The following MLLT3 variants were observed in gnomAD, a reference collection of about 807,000 sequenced individuals.
The protein encoded by MLLT3 is MLLT3 super elongation complex subunit.
MLLT3 carries 4 observed loss-of-function variants against 53.2 expected under a neutral mutation model. The observed-to-expected ratio is 0.08, with a 90% CI of 0.04 to 0.17. The LOEUF is 0.17. Ranked by LOEUF, MLLT3 falls within the 10% of genes least tolerant of loss-of-function variation. The pLI is 1.00. For missense variants in MLLT3, 569 were observed against 684.0 expected, an observed-to-expected ratio of 0.83 and a Z score of 1.87; for synonymous variants, 283 against 230.6, an observed-to-expected ratio of 1.23 and a Z score of -2.06.
intron 5 of MLLT3, among the ~76,000 whole-genome samples, chr9:20,382,111 A>C (rs1821922843): frequency 6.6e-6 from 1 of 151,838 alleles, no homozygotes; most frequent in African/African-American, 2.4e-5. Flanking sequence ...TCCTATTTTA[A>C]AACTTTTTCT....
At chr9:20,529,886 G>C (rs1349556026) in intron 2 of MLLT3, among the ~76,000 whole-genome samples, 4 of 151,764 alleles carry the variant, frequency 2.6e-5, no homozygotes, top group Admixed American at 6.6e-5. Context: ...TTATCAACCA[G>C]GCCAGTTACA....
rs375696961 is a variant in MLLT3, at chr9:20,366,059, CTTTA to C, written c.1126-319_1126-316del. ...TTTTCATCTTAGATATAAAATACTT[CTTTA>C]TTATACTTTAAGTTTTGGGATACAT... On this transcript the variant is annotated intron_variant, in intron 5 of 10. Coordinates refer to ENST00000380338, the MANE Select transcript of MLLT3 (RefSeq NM_004529.4). 2.6e-4 allele frequency among the ~76,000 whole-genome samples: 40 copies of C among 152,174 alleles called. No individual in the cohort carries two copies. In the East Asian group the frequency reaches 7.5e-3, roughly 29 times the overall value.
intron 2 of MLLT3, among the ~76,000 whole-genome samples, chr9:20,580,665 T>C (rs924499642): frequency 3.9e-5 from 6 of 152,310 alleles, no homozygotes; most frequent in African/African-American, 1.4e-4. Flanking sequence ...ATAGTTTTCC[T>C]TTCACATAGG....
chr9:20,523,813 A>T (rs1163295950), intron 2 of MLLT3, among the ~76,000 whole-genome samples: 1 of 152,140 alleles, frequency 6.6e-6, no homozygotes, highest in Non-Finnish European at 1.5e-5. Context: ...TACAAAAAAA[A>T]TACAAAAATT....
At chr9:20,497,117 G>A (rs572522145) in intron 2 of MLLT3, among the ~76,000 whole-genome samples, 1 of 152,248 alleles carries the variant, frequency 6.6e-6, no homozygotes, top group African/African-American at 2.4e-5. Flanking sequence ...ATGGTTTCTT[G>A]TCATTAAAGA....
intron 2 of MLLT3, among the ~76,000 whole-genome samples, chr9:20,599,090 G>C (rs559596856): frequency 6.6e-6 from 1 of 152,152 alleles, no homozygotes; most frequent in East Asian, 1.9e-4. Context: ...CAGATCACGA[G>C]GTCAAGAGAT....
intron 2 of MLLT3, among the ~76,000 whole-genome samples, chr9:20,527,225 G>A (rs373263480): frequency 2.0e-4 from 30 of 152,110 alleles, no homozygotes; most frequent in African/African-American, 5.1e-4. Context: ...AAATCTGGAG[G>A]TGAACCATCA....
At chr9:20,615,033 G>A (rs1489905439) in intron 2 of MLLT3, among the ~76,000 whole-genome samples, 1 of 152,130 alleles carries the variant, frequency 6.6e-6, no homozygotes, top group Non-Finnish European at 1.5e-5. Flanking sequence ...GCATAATTCA[G>A]GTAATGCATC....
chr9:20,406,945 C>T (rs1822593539), intron 5 of MLLT3, among the ~76,000 whole-genome samples: 1 of 152,138 alleles, frequency 6.6e-6, no homozygotes, highest in South Asian at 2.1e-4. Flanking sequence ...TCCTTGTGGA[C>T]CTTGACACTG....
At chr9:20,432,050 T>C (rs1378020362) in intron 4 of MLLT3, among the ~76,000 whole-genome samples, 2 of 152,176 alleles carry the variant, frequency 1.3e-5, no homozygotes, top group Admixed American at 6.5e-5. Context: ...GAGTGGTTTG[T>C]AATATAACAT....
chr9:20,431,591 T>A (rs548271838), intron 4 of MLLT3, among the ~76,000 whole-genome samples: 1 of 152,156 alleles, frequency 6.6e-6, no homozygotes, highest in East Asian at 1.9e-4. Context: ...GGGTACTTGA[T>A]CATTATGGAA....
rs1461756593 is a variant in MLLT3, at chr9:20,620,031, C to T, written c.193+623G>A. Among the ~76,000 whole-genome samples the T allele has an allele frequency of 6.6e-6, 1 of 152,020 alleles. No individual in the cohort carries two copies. The highest frequency in any genetic ancestry group is 1.5e-5 in the Non-Finnish European group (1 of 68,014). ...GGCACGCGGGGGTGGGAGGGAGGAA[C>T]GAGTAAGCCCCCCAAGTAAACATAA... On this transcript the variant is annotated intron_variant, in intron 2 of 10. Coordinates refer to ENST00000380338, the MANE Select transcript of MLLT3 (RefSeq NM_004529.4). The surrounding 1 kb of genome is among the most constrained non-coding windows in gnomAD (Gnocchi z 6.1).
At chr9:20,443,001 G>GT (rs1379175067) in intron 4 of MLLT3, among the ~76,000 whole-genome samples, 1 of 152,046 alleles carries the variant, frequency 6.6e-6, no homozygotes. Flanking sequence ...GCTGTGGTTA[G>GT]TTTTAATTTT....
intron 4 of MLLT3, among the ~76,000 whole-genome samples, chr9:20,434,848 A>G (rs1823363867): frequency 6.6e-6 from 1 of 152,202 alleles, no homozygotes; most frequent in South Asian, 2.1e-4. Flanking sequence ...GGTTGCAGAA[A>G]AAAGACAATA....
intron 2 of MLLT3, among the ~76,000 whole-genome samples, chr9:20,565,917 T>C: frequency 8.9e-6 from 1 of 111,886 alleles, no homozygotes; most frequent in South Asian, 2.5e-4. Flanking sequence ...AAAATATATA[T>C]ATATTTATAT....
At chr9:20,518,386 C>G (rs1650831321) in intron 2 of MLLT3, among the ~76,000 whole-genome samples, 1 of 152,098 alleles carries the variant, frequency 6.6e-6, no homozygotes, top group East Asian at 1.9e-4. Flanking sequence ...GCAACTTTTC[C>G]TTACAGAAAA....
In MLLT3 at chr9:20,483,388, C is replaced by T. The variant is rs1213716257; in HGVS notation, c.194-26602G>A. On this transcript the variant is annotated intron_variant, in intron 2 of 10. Coordinates refer to ENST00000380338, the MANE Select transcript of MLLT3 (RefSeq NM_004529.4). ...AAGTAGCTGGGACTACAGGCATGCA[C>T]CATTACACCTGGCTATTTTTTTTTT... Among the ~76,000 whole-genome samples, 3 of 151,550 alleles carry T rather than the reference C, an allele frequency of 2.0e-5. No individual in the cohort carries two copies. The East Asian group carries it at 5.8e-4, about 30-fold the overall frequency.
chr9:20,363,400 C>T, intron 7 of MLLT3, 76 bp downstream of exon 7: 1 of 1,552,416 alleles, frequency 6.4e-7, no homozygotes, highest in Non-Finnish European at 8.7e-7. Context: ...CACACCTTTG[C>T]TGTGATTATC....
intron 5 of MLLT3, among the ~76,000 whole-genome samples, chr9:20,388,804 GTT>G (rs1822109597): frequency 6.6e-6 from 1 of 152,140 alleles, no homozygotes; most frequent in Non-Finnish European, 1.5e-5. Flanking sequence ...AGACCATATA[GTT>G]TATCTTGTTT....
Sources: gnomAD v4.1 joint callset for allele counts (sites outside exome capture counted in the v4.1 genomes callset) on GRCh38, gnomAD v4.1.1 for gene constraint, Gnocchi (gnomAD v3.1) non-coding constraint, MANE v1.5 for transcripts, NCBI Gene and HGNC (gene_info 2026-07-23, HGNC 2026-07-21) for gene names.